The following PTPRZ1 variants were observed in gnomAD, a reference collection of about 807,000 sequenced individuals.
PTPRZ1 encodes protein tyrosine phosphatase receptor type Z1.
PTPRZ1 carries 82 observed loss-of-function variants against 214.1 expected under a neutral mutation model. The ratio of observed to expected loss-of-function variants is 0.38; its 90% CI spans 0.32 to 0.46. The LOEUF (loss-of-function observed/expected upper bound fraction) is 0.46, where lower values mean the gene tolerates loss of function less well. Among genes scored for constraint, PTPRZ1 ranks in the 20% least tolerant of loss-of-function variants. The pLI, the probability that PTPRZ1 is intolerant of heterozygous loss-of-function variation, is 1.00. For synonymous variants in PTPRZ1, 945 were observed against 987.9 expected (o/e 0.96, Z 0.81); for missense variants, 2,603 against 2,748.7 (o/e 0.95, Z 1.19).
intron 2 of PTPRZ1, among the ~76,000 whole-genome samples, chr7:121,966,283 T>C (rs1183761907): frequency 1.3e-5 from 2 of 152,318 alleles, no homozygotes; most frequent in East Asian, 1.9e-4. Context: ...TTCAGTGTTA[T>C]TGAAGATTTA....
Position 122,012,195 on chromosome 7 carries a change from A to G in PTPRZ1, c.3149A>G (p.Asn1050Ser), listed in dbSNP as rs774676737. The change falls in exon 12 of 30, where the codon AAT (asparagine) becomes AGT (serine). Residue 1050 changes from asparagine (N) to serine (S), a missense_variant. Physicochemically the swap from Asn to Ser is conservative, Grantham distance 46. Around this residue, in one of 6 missense-constraint regions of PTPRZ1, gnomAD observed 1,913 missense variants for 1,914.3 expected, o/e 1.00. Transcript: ENST00000393386. ...ALSKSEIIYG[N>S]ETELQIPSFN... ...TCTAAAAGTGAAATAATATATGGAA[A>G]TGAGACTGAACTGCAAATTCCTTCT... 4 of 1,613,984 alleles carry G rather than the reference A, an allele frequency of 2.5e-6. No individual in the cohort carries two copies. In the East Asian group the frequency reaches 8.9e-5, roughly 36 times the overall value.
Position 122,012,554 on chromosome 7 carries a change from T to C in PTPRZ1, c.3508T>C (p.Tyr1170His). 1.2e-6 allele frequency: 2 copies of C among 1,614,072 alleles called. No individual in the cohort carries two copies. Among genetic ancestry groups the C allele is most frequent in the Non-Finnish European group, 1.7e-6 (2 of 1,179,926 alleles). Residue 1170 changes from tyrosine to histidine, a missense_variant, in exon 12 of 30, where the codon TAT becomes CAT. Transcript: ENST00000393386. ...ATCTCCTTCAACTCAGCTCTTATTT[T>C]ATGAGACCTCAGCTTCTTTTAGTAC... ...MLSPSTQLLF[Y>H]ETSASFSTEV... is the part of the protein sequence containing the mutation.
intron 1 of PTPRZ1, among the ~76,000 whole-genome samples, chr7:121,875,086 T>C (rs951229048): frequency 6.6e-6 from 1 of 152,182 alleles, no homozygotes; most frequent in Non-Finnish European, 1.5e-5. Context: ...ACAATTCATC[T>C]TTTTAAAATG....
At chr7:122,060,318 T>C (rs1392301686) in intron 29 of PTPRZ1, among the ~76,000 whole-genome samples, 1 of 152,128 alleles carries the variant, frequency 6.6e-6, no homozygotes, top group African/African-American at 2.4e-5. Context: ...CGCTGAGTTG[T>C]ATCAAGCTTG....
At position 122,058,820 on chromosome 7, in the gene PTPRZ1, G is replaced by A. The variant is rs1343819909; in HGVS notation, c.6549G>A (p.Val2183=). The A allele has an allele frequency of 6.2e-7, 1 of 1,606,462 alleles. No individual in the cohort carries two copies. The highest frequency in any genetic ancestry group is 1.7e-5 in the Admixed American group (1 of 59,884). The change falls in exon 28 of 30, where the codon GTG becomes GTA. Residue 2183 remains valine (V), a synonymous_variant. Coordinates refer to ENST00000393386, the MANE Select transcript of PTPRZ1 (RefSeq NM_002851.3). ...TATAGGATGATTATGTACTTGAAGT[G>A]AGGCACTTTCAGTGTCCTAAATGGC... ...EATQDDYVLE[V]RHFQCPKWPN...
chr7:121,976,343 A>G lies in PTPRZ1; in HGVS notation c.552+75A>G, dbSNP rs1429221207. On this transcript the variant is annotated intron_variant, in intron 5 of 29. Transcript: ENST00000393386. ...AAATATTGACGTGAAATATCAAGACATAGTTTCTAACAAAGAGAGGAGCTC... is the reference window on the plus strand; with the variant it reads ...AAATATTGACGTGAAATATCAAGACGTAGTTTCTAACAAAGAGAGGAGCTC... The G allele has an allele frequency of 6.4e-6, 6 of 940,086 alleles. 1 individual carries two copies. The South Asian group carries it at 1.1e-4, about 17-fold the overall frequency. 58.2% of individuals were successfully genotyped at this position (940,086 alleles called of 1,614,324 possible).
chr7:121,975,022 C>CA (rs1797385484), intron 4 of PTPRZ1, among the ~76,000 whole-genome samples: 2 of 152,090 alleles, frequency 1.3e-5, no homozygotes, highest in South Asian at 4.2e-4. Flanking sequence ...CCCATTTCTA[C>CA]AAAAAATAAG....
chr7:121,941,550 G>C (rs1213066866), intron 2 of PTPRZ1, among the ~76,000 whole-genome samples: 2 of 152,096 alleles, frequency 1.3e-5, no homozygotes, highest in African/African-American at 4.8e-5. Flanking sequence ...TCATCTGTTT[G>C]CTTGTCCAGC....
intron 10 of PTPRZ1, 68 bp downstream of exon 10, chr7:121,998,074 T>C (rs1798201294): frequency 6.8e-7 from 1 of 1,476,536 alleles, no homozygotes; most frequent in Non-Finnish European, 9.2e-7. Context: ...CTGTATGCAT[T>C]GATGCTTTCT....
At chr7:121,966,426 G>T (rs1337931359) in intron 2 of PTPRZ1, among the ~76,000 whole-genome samples, 1 of 152,154 alleles carries the variant, frequency 6.6e-6, no homozygotes, top group African/African-American at 2.4e-5. Context: ...TCATTCTCTT[G>T]CACTGACATT....
At chr7:122,057,766 A>C (rs1029177264) in intron 27 of PTPRZ1, among the ~76,000 whole-genome samples, 1 of 151,492 alleles carries the variant, frequency 6.6e-6, no homozygotes, top group African/African-American at 2.4e-5. Flanking sequence ...ATCTTAAAAA[A>C]ATACCTTTTA....
intron 8 of PTPRZ1, 98 bp downstream of exon 8, chr7:121,984,215 G>A (rs977050106): frequency 2.8e-6 from 3 of 1,069,240 alleles, no homozygotes; most frequent in Middle Eastern, 2.4e-4. Flanking sequence ...TAGAGCTTTA[G>A]AAATGTTTTA....
intron 3 of PTPRZ1, among the ~76,000 whole-genome samples, chr7:121,969,850 A>G (rs369906190): frequency 2.7e-4 from 41 of 151,610 alleles, no homozygotes; most frequent in African/African-American, 8.7e-4. Flanking sequence ...TGTGCACAAC[A>G]TGCAGGTTTG....
chr7:121,947,845 T>TA (rs1312583065), intron 2 of PTPRZ1, among the ~76,000 whole-genome samples: 1 of 152,164 alleles, frequency 6.6e-6, no homozygotes, highest in Non-Finnish European at 1.5e-5. Flanking sequence ...TGATTCCTTT[T>TA]AATGTGCATA....
intron 12 of PTPRZ1, among the ~76,000 whole-genome samples, chr7:122,015,431 G>T (rs1371949497): frequency 2.6e-5 from 4 of 152,110 alleles, no homozygotes; most frequent in Non-Finnish European, 4.4e-5. Context: ...TGTACATTTT[G>T]ATAGAAAACT....
At chr7:122,050,226 T>A (rs1792126029) in intron 23 of PTPRZ1, among the ~76,000 whole-genome samples, 1 of 151,706 alleles carries the variant, frequency 6.6e-6, no homozygotes, top group Non-Finnish European at 1.5e-5. Context: ...GGGGATTGCT[T>A]GAGCCCAGGA....
rs144989254 is a variant in PTPRZ1, at chr7:121,891,200, T to C, written c.58+17643T>C. ...CAATGATACTTTTTCATTTGAGGAC[T>C]TCCCTGGACACACTGCAGTGATATT... is the stretch of plus-strand genomic sequence containing the variant. On this transcript the variant is annotated intron_variant, in intron 1 of 29. Transcript: ENST00000393386. Among the ~76,000 whole-genome samples the C allele has an allele frequency of 1.4e-4, 21 of 152,262 alleles. No homozygotes were observed. In the East Asian group the frequency reaches 3.9e-3, roughly 28 times the overall value.
intron 1 of PTPRZ1, among the ~76,000 whole-genome samples, chr7:121,881,238 C>T (rs535077534): frequency 1.2e-4 from 19 of 152,300 alleles, no homozygotes; most frequent in African/African-American, 4.1e-4. Context: ...AGAGAGCCCT[C>T]GCCAGGAATC....
intron 3 of PTPRZ1, among the ~76,000 whole-genome samples, chr7:121,968,460 T>C (rs1797110362): frequency 6.6e-6 from 1 of 152,144 alleles, no homozygotes; most frequent in South Asian, 2.1e-4. Flanking sequence ...TTGAGCATTA[T>C]AGTTTGATCT....
Sources: gnomAD v4.1 joint callset for allele counts (sites outside exome capture counted in the v4.1 genomes callset) on GRCh38, gnomAD v4.1.1 for gene constraint, gnomAD v4.1.1 regional missense constraint, MANE v1.5 for transcripts, NCBI Gene and HGNC (gene_info 2026-07-23, HGNC 2026-07-21) for gene names.